PTPRD: variants seen among roughly 807,000 people sequenced by gnomAD.
PTPRD encodes the protein protein tyrosine phosphatase receptor type D, also known as receptor-type tyrosine-protein phosphatase delta.
Under a neutral mutation model 214.5 loss-of-function variants are expected in PTPRD, and 34 were observed. The observed-to-expected ratio is 0.16, with a 90% confidence interval of 0.12 to 0.21. PTPRD has a LOEUF of 0.21. PTPRD is among the 10% of genes least tolerant of loss of function. PTPRD has a pLI of 1.00. For missense variants in PTPRD, 2,545 were observed against 2,398.7 expected (o/e 1.06, Z -1.27); for synonymous variants, 1,128 against 845.7 (o/e 1.33, Z -5.79).
chr9:10,426,800 G>A (rs2098624185), intron 2 of PTPRD, among the ~76,000 whole-genome samples: 1 of 152,040 alleles, frequency 6.6e-6, no homozygotes, highest in Non-Finnish European at 1.5e-5. Flanking sequence ...GAATAATACT[G>A]TAGCCAAAAC....
chr9:9,978,641 C>T (rs539446077), intron 4 of PTPRD, among the ~76,000 whole-genome samples: 3 of 151,832 alleles, frequency 2.0e-5, no homozygotes, highest in Admixed American at 6.6e-5. Flanking sequence ...AACAAATGCA[C>T]GCATGCATGT....
chr9:10,551,353 A>G (rs536644177), intron 2 of PTPRD, among the ~76,000 whole-genome samples: 5 of 152,292 alleles, frequency 3.3e-5, no homozygotes, highest in African/African-American at 1.2e-4. Context: ...AATAAAAAAT[A>G]AAAATAAAAA....
rs2095903747 is a variant in PTPRD at position 10,302,732 on chromosome 9, CACCCAAT to C, written c.-545+38224_-545+38230del. On this transcript the variant is annotated intron_variant, in intron 3 of 45. Transcript: ENST00000381196. ...GAGCTAACTGTCCCAAATATATATG[CACCCAAT>C]ACAGGAGCACCCAGATTCACGAAAC... is the stretch of plus-strand genomic sequence containing the variant. 4.6e-5 allele frequency among the ~76,000 whole-genome samples: 7 copies of C among 152,302 alleles called. No homozygotes were observed. In the South Asian group the frequency reaches 1.2e-3, roughly 27 times the overall value.
intron 7 of PTPRD, among the ~76,000 whole-genome samples, chr9:9,716,002 TCTCCCCC>T (rs1389322660): frequency 6.8e-6 from 1 of 146,388 alleles, no homozygotes; most frequent in Admixed American, 6.8e-5. Context: ...ATCCCTCCCC[TCTCCCCC>T]CACCCCACAA....
rs569815389 is a variant in PTPRD at position 9,467,519 on chromosome 9, G to A, written c.-236-70037C>T. On this transcript the variant is annotated intron_variant, in intron 8 of 45. Coordinates refer to ENST00000381196, the MANE Select transcript of PTPRD (RefSeq NM_002839.4). ...GTAGAATTGCTTGAACCCAGGAAGC[G>A]GAGGCTGCAGTGAGCCGAGATTGTG... 5.0e-4 allele frequency among the ~76,000 whole-genome samples: 72 copies of A among 144,512 alleles called. 2 individuals carry two copies. In the East Asian group the frequency reaches 5.5e-3, roughly 11 times the overall value. The allele number at this position is 144,512 out of a possible 152,430, so 94.8% of individuals were successfully genotyped here.
intron 14 of PTPRD, among the ~76,000 whole-genome samples, chr9:8,587,834 G>A (rs2093788052): frequency 6.6e-6 from 1 of 152,168 alleles, no homozygotes; most frequent in Non-Finnish European, 1.5e-5. Context: ...TCCCGACTGT[G>A]GCAAATAATT....
At chr9:9,390,857 T>A (rs2065576937) in intron 9 of PTPRD, among the ~76,000 whole-genome samples, 1 of 152,170 alleles carries the variant, frequency 6.6e-6, no homozygotes, top group African/African-American at 2.4e-5. Flanking sequence ...TAAATCCATC[T>A]TACATGCTGG....
chr9:8,519,231 A>G (rs551999387), intron 20 of PTPRD, among the ~76,000 whole-genome samples: 3 of 152,346 alleles, frequency 2.0e-5, no homozygotes, highest in African/African-American at 7.2e-5. Flanking sequence ...TATGCATTCT[A>G]TATTCCACAT....
intron 11 of PTPRD, among the ~76,000 whole-genome samples, chr9:8,752,294 G>T (rs958194659): frequency 1.8e-4 from 28 of 152,166 alleles, no homozygotes; most frequent in African/African-American, 5.8e-4. Context: ...AGATGGCCAT[G>T]AGAGTGACCT....
At chr9:9,439,615 A>G (rs1041814830) in intron 8 of PTPRD, among the ~76,000 whole-genome samples, 1 of 152,184 alleles carries the variant, frequency 6.6e-6, no homozygotes, top group Non-Finnish European at 1.5e-5. Context: ...TTCCATTAAA[A>G]GCCAAGAAAA....
At chr9:8,331,233 T>C (rs893835006) in intron 44 of PTPRD, among the ~76,000 whole-genome samples, 1 of 150,416 alleles carries the variant, frequency 6.6e-6, no homozygotes, top group African/African-American at 2.5e-5. Context: ...GAAAGACAGT[T>C]ATCAGTGCAT....
At chr9:9,195,645 A>G (rs1205545207) in intron 9 of PTPRD, among the ~76,000 whole-genome samples, 1 of 152,054 alleles carries the variant, frequency 6.6e-6, no homozygotes, top group Non-Finnish European at 1.5e-5. Flanking sequence ...TTCGCTTCCC[A>G]CAGAGTCTGT....
At chr9:10,464,394 G>C (rs1398520611) in intron 2 of PTPRD, among the ~76,000 whole-genome samples, 2 of 147,880 alleles carry the variant, frequency 1.4e-5, no homozygotes, top group Non-Finnish European at 3.0e-5. Context: ...GAGAAAGAGA[G>C]AGAGAGAGAT....
At chr9:9,975,816 C>G (rs1283202580) in intron 4 of PTPRD, among the ~76,000 whole-genome samples, 2 of 152,112 alleles carry the variant, frequency 1.3e-5, no homozygotes, top group African/African-American at 4.8e-5. Flanking sequence ...ACTTGTTAGG[C>G]CTAAACTTCA....
chr9:9,372,847 T>C (rs1280828599), intron 9 of PTPRD, among the ~76,000 whole-genome samples: 3 of 152,060 alleles, frequency 2.0e-5, no homozygotes, highest in Non-Finnish European at 4.4e-5. Context: ...GTTTGTAAAG[T>C]ATTTTATTTC....
intron 12 of PTPRD, among the ~76,000 whole-genome samples, chr9:8,711,780 A>G (rs1241533689): frequency 6.6e-6 from 1 of 152,222 alleles, no homozygotes; most frequent in Non-Finnish European, 1.5e-5. Flanking sequence ...CTCCCAGCCC[A>G]TAAATGTTTA....
intron 2 of PTPRD, among the ~76,000 whole-genome samples, chr9:10,378,261 G>A (rs1309890234): frequency 6.6e-6 from 1 of 151,876 alleles, no homozygotes; most frequent in African/African-American, 2.4e-5. Flanking sequence ...CAGTTCTGTG[G>A]GTTGTCTCTT....
intron 9 of PTPRD, among the ~76,000 whole-genome samples, chr9:9,221,678 C>T (rs1334367037): frequency 1.3e-5 from 2 of 151,972 alleles, no homozygotes; most frequent in African/African-American, 4.8e-5. Context: ...GAACTATCTC[C>T]TCAAAGGCCC....
intron 5 of PTPRD, among the ~76,000 whole-genome samples, chr9:9,812,787 G>A (rs1012917177): frequency 7.2e-5 from 11 of 152,078 alleles, no homozygotes; most frequent in African/African-American, 1.4e-4. Flanking sequence ...AATGGACCTT[G>A]GAGACATATG....
Sources: allele counts gnomAD v4.1 joint callset (sites outside exome capture counted in the v4.1 genomes callset), GRCh38; gene constraint gnomAD v4.1.1; transcripts MANE v1.5; gene names NCBI Gene and HGNC (gene_info 2026-07-23, HGNC 2026-07-21).